Variants in SBF2 observed in about 807,000 individuals in gnomAD.
SBF2 encodes SET binding factor 2.
In SBF2, 112 loss-of-function variants were observed where a neutral mutation model predicts 225.2. The ratio of observed to expected loss-of-function variants is 0.50; its 90% CI spans 0.43 to 0.58. SBF2 has a LOEUF of 0.58. Among genes scored for constraint, SBF2 ranks in the 20% least tolerant of loss-of-function variants. SBF2 has a pLI of 0.00. For missense variants in SBF2, 1,996 were observed against 2,206.2 expected, an observed-to-expected ratio of 0.90 and a Z score of 1.91; for synonymous variants, 763 against 773.3, an observed-to-expected ratio of 0.99 and a Z score of 0.22.
intron 17 of SBF2, among the ~76,000 whole-genome samples, chr11:9,872,661 C>T (rs573002480): frequency 1.6e-4 from 25 of 151,948 alleles, no homozygotes; most frequent in Non-Finnish European, 2.2e-4. Flanking sequence ...ACGTGTGGAT[C>T]GGAGGAACTG....
At chr11:10,099,850 G>C (rs771862300) in intron 2 of SBF2, among the ~76,000 whole-genome samples, 21 of 151,588 alleles carry the variant, frequency 1.4e-4, no homozygotes, top group Non-Finnish European at 2.5e-4. Context: ...TAGAAACAAA[G>C]AGAAACAACA....
At chr11:9,997,504 C>T (rs1056126191) in intron 9 of SBF2, among the ~76,000 whole-genome samples, 1 of 152,152 alleles carries the variant, frequency 6.6e-6, no homozygotes, top group East Asian at 1.9e-4. Context: ...TTGGGCCGGG[C>T]GCGGTGGCTC....
chr11:9,840,630 T>C (rs1410600233), intron 25 of SBF2, among the ~76,000 whole-genome samples: 1 of 152,342 alleles, frequency 6.6e-6, no homozygotes, highest in South Asian at 2.1e-4. Flanking sequence ...TTATCTTTCA[T>C]AAAATCACTA....
intron 2 of SBF2, among the ~76,000 whole-genome samples, chr11:10,176,163 C>G (rs1488523406): frequency 2.9e-5 from 4 of 137,762 alleles, no homozygotes; most frequent in African/African-American, 1.1e-4. Context: ...ACACAACATA[C>G]CAGAATCTCT....
At position 10,135,121 on chromosome 11, in the gene SBF2, G is replaced by A. The variant is rs576759273; in HGVS notation, c.141+58781C>T. Among the ~76,000 whole-genome samples the A allele has an allele frequency of 6.0e-4, 91 of 152,326 alleles. 1 individual carries two copies. The highest frequency in any genetic ancestry group is 3.3e-3 in the South Asian group (16 of 4,830). ...TGTGCACTGGCAGGCTCAACACCGC[G>A]TTGAAGTTGCCAAGGCTTAGGGCTT... On this transcript the variant is annotated intron_variant, in intron 2 of 39. Transcript: ENST00000256190.
intron 25 of SBF2, among the ~76,000 whole-genome samples, chr11:9,842,317 G>T (rs1163596881): frequency 6.6e-6 from 1 of 152,064 alleles, no homozygotes; most frequent in Non-Finnish European, 1.5e-5. Context: ...AAGATACAGG[G>T]GACTACTCTA....
At chr11:9,968,080 T>C (rs1430938118) in intron 14 of SBF2, among the ~76,000 whole-genome samples, 3 of 151,644 alleles carry the variant, frequency 2.0e-5, no homozygotes, top group Non-Finnish European at 4.4e-5. Context: ...ACATTTTACA[T>C]TGGTGAATTT....
At chr11:10,217,842 T>C (rs1013537025) in intron 1 of SBF2, among the ~76,000 whole-genome samples, 8 of 152,088 alleles carry the variant, frequency 5.3e-5, no homozygotes, top group African/African-American at 1.9e-4. Flanking sequence ...GACTAACAAT[T>C]CCACATGGCT....
chr11:10,002,026 A>AT (rs1947987808), intron 7 of SBF2, among the ~76,000 whole-genome samples: 1 of 152,176 alleles, frequency 6.6e-6, no homozygotes, highest in Non-Finnish European at 1.5e-5. Flanking sequence ...AACATATCCC[A>AT]TAAAAAAAAC....
intron 28 of SBF2, among the ~76,000 whole-genome samples, chr11:9,828,882 A>G (rs928648820): frequency 3.3e-5 from 5 of 149,622 alleles, no homozygotes; most frequent in African/African-American, 1.3e-4. Flanking sequence ...TTCCTCTCCA[A>G]TTACTCTTTT....
intron 2 of SBF2, among the ~76,000 whole-genome samples, chr11:10,178,007 G>A (rs1956548484): frequency 1.4e-5 from 2 of 147,352 alleles, no homozygotes; most frequent in African/African-American, 2.6e-5. Context: ...ATAGATCAAT[G>A]GAACAGAACA....
intron 16 of SBF2, among the ~76,000 whole-genome samples, chr11:9,926,801 A>G (rs1182068798): frequency 2.0e-5 from 3 of 152,210 alleles, no homozygotes; most frequent in Non-Finnish European, 1.5e-5. Flanking sequence ...AAAAGAAGAA[A>G]GGTTTCAAAT....
intron 1 of SBF2, among the ~76,000 whole-genome samples, chr11:10,224,297 T>C (rs1437375404): frequency 6.6e-6 from 1 of 152,162 alleles, no homozygotes; most frequent in Non-Finnish European, 1.5e-5. Flanking sequence ...AACTATATTT[T>C]GAATGCATAC....
At chr11:10,298,541 A>G (rs2133652192), upstream of SBF2, among the ~76,000 whole-genome samples, 1 of 152,372 alleles carries the variant, frequency 6.6e-6, no homozygotes, top group East Asian at 1.9e-4. Flanking sequence ...GGTTAGCCAC[A>G]GTAGTTCAAG....
intron 22 of SBF2, among the ~76,000 whole-genome samples, chr11:9,847,843 T>C (rs1856662150): frequency 6.6e-6 from 1 of 152,134 alleles, no homozygotes; most frequent in Non-Finnish European, 1.5e-5. Flanking sequence ...ATGCAGAATA[T>C]AATAATATGT....
At chr11:10,049,116 C>T (rs1270077154) in intron 2 of SBF2, among the ~76,000 whole-genome samples, 1 of 152,114 alleles carries the variant, frequency 6.6e-6, no homozygotes, top group Non-Finnish European at 1.5e-5. Flanking sequence ...AGCTTGAATG[C>T]AAAAGCAGGT....
chr11:9,856,744 C>G, intron 18 of SBF2, 24 bp from the exon 19 acceptor site: 1 of 1,609,336 alleles, frequency 6.2e-7, no homozygotes, highest in East Asian at 2.2e-5. Flanking sequence ...CAACACAATC[C>G]AAAAGAGAAC....
intron 27 of SBF2, among the ~76,000 whole-genome samples, chr11:9,831,098 A>G (rs1032677385): frequency 6.6e-6 from 1 of 152,128 alleles, no homozygotes; most frequent in Non-Finnish European, 1.5e-5. Context: ...TCATGGGCTC[A>G]AGTGATTCTC....
chr11:9,999,980 T>C (rs1417689753), intron 8 of SBF2, among the ~76,000 whole-genome samples: 1 of 152,224 alleles, frequency 6.6e-6, no homozygotes, highest in East Asian at 1.9e-4. Flanking sequence ...AGCCTAACTT[T>C]ACAGTGAAGA....
Sources: allele counts gnomAD v4.1 joint callset (sites outside exome capture counted in the v4.1 genomes callset), GRCh38; gene constraint gnomAD v4.1.1; transcripts MANE v1.5; gene names NCBI Gene and HGNC (gene_info 2026-07-23, HGNC 2026-07-21).